The following ROBO1 variants were observed in gnomAD, a reference collection of about 807,000 sequenced individuals.
The protein encoded by ROBO1 is roundabout homolog 1.
Under a neutral mutation model 195.9 loss-of-function variants are expected in ROBO1, and 149 were observed. That is an observed-to-expected ratio of 0.76 (90% CI 0.67 to 0.87). The LOEUF (loss-of-function observed/expected upper bound fraction) is 0.87, where lower values mean the gene tolerates loss of function less well. Among genes scored for constraint, ROBO1 ranks in the 40% least tolerant of loss-of-function variants. ROBO1 has a pLI of 0.00. For synonymous variants in ROBO1, 816 were observed against 733.2 expected, an observed-to-expected ratio of 1.11 and a Z score of -1.82; for missense variants, 1,933 against 2,068.3, an observed-to-expected ratio of 0.93 and a Z score of 1.27.
At chr3:78,761,139 T>G (rs2083092397) in intron 4 of ROBO1, among the ~76,000 whole-genome samples, 1 of 152,144 alleles carries the variant, frequency 6.6e-6, no homozygotes, top group Admixed American at 6.5e-5. Flanking sequence ...TCTGGAGATG[T>G]TAAGACCTAT....
chr3:78,648,962 A>C (rs573165994), intron 19 of ROBO1, among the ~76,000 whole-genome samples: 1 of 152,134 alleles, frequency 6.6e-6, no homozygotes, highest in South Asian at 2.1e-4. Context: ...AGAAAAGCAA[A>C]AACCTCAGTG....
intron 4 of ROBO1, among the ~76,000 whole-genome samples, chr3:78,831,248 C>A (rs1268161904): frequency 1.3e-5 from 2 of 151,974 alleles, no homozygotes; most frequent in Non-Finnish European, 2.9e-5. Flanking sequence ...CAGTGTTTCC[C>A]AGACAAATGG....
At chr3:79,144,594 G>C (rs1036675381) in intron 2 of ROBO1, among the ~76,000 whole-genome samples, 1 of 151,934 alleles carries the variant, frequency 6.6e-6, no homozygotes, top group African/African-American at 2.4e-5. Flanking sequence ...GAGATGAAGA[G>C]GAATGAAGAA....
intron 5 of ROBO1, among the ~76,000 whole-genome samples, chr3:78,724,557 G>A (rs1326806238): frequency 2.7e-5 from 4 of 150,208 alleles, no homozygotes; most frequent in African/African-American, 9.9e-5. Flanking sequence ...TGGCACATGC[G>A]TGTAGTCCCA....
Position 78,662,201 on chromosome 3 carries a change from A to AGCAACTCT in ROBO1, c.1967-95_1967-88dup, listed in dbSNP as rs2107673023. 3 of 1,207,006 alleles carry AGCAACTCT rather than the reference A, an allele frequency of 2.5e-6. No homozygotes were observed. In the South Asian group the frequency reaches 4.9e-5, roughly 20 times the overall value. The allele number at this position is 1,207,006 out of a possible 1,614,324, so 74.8% of individuals were successfully genotyped here. On this transcript the variant is annotated intron_variant, in intron 14 of 30. Coordinates refer to ENST00000464233, the MANE Select transcript of ROBO1 (RefSeq NM_002941.4). ...ATGGTGAAACAAACTGTTCATTCAT[A>AGCAACTCT]GCAACTCTCAGTAAAGAAGAGTCCA...
rs184379614 is a variant in ROBO1, at chr3:79,163,677, G to C, written c.89-38138C>G. Among the ~76,000 whole-genome samples, 661 of 152,072 alleles carry C rather than the reference G, an allele frequency of 4.3e-3. 9 individuals carry two copies. The highest frequency in any genetic ancestry group is 0.015 in the African/African-American group (626 of 41,486). On this transcript the variant is annotated intron_variant, in intron 2 of 30. Transcript: ENST00000464233. ...AGGGTTCCAATTTCTCTGCATCCTT[G>C]CCAACACTTGTTTTCAGGTTTTGTT...
intron 10 of ROBO1, among the ~76,000 whole-genome samples, chr3:78,681,361 G>A (rs765745356): frequency 2.4e-4 from 36 of 152,040 alleles, no homozygotes; most frequent in Non-Finnish European, 4.9e-4. Context: ...TGGAGCATTT[G>A]CCACATGAGG....
At chr3:79,019,537 GC>G in intron 3 of ROBO1, 1 of 985,968 alleles carries the variant, frequency 1.0e-6, no homozygotes, top group Non-Finnish European at 1.2e-6. Context: ...ACTTAAAGGG[GC>G]CGCGTGGTCC....
intron 2 of ROBO1, among the ~76,000 whole-genome samples, chr3:79,315,999 A>T (rs1304127961): frequency 6.6e-6 from 1 of 152,194 alleles, no homozygotes; most frequent in Non-Finnish European, 1.5e-5. Context: ...CTTGAAATCC[A>T]CTATAATAAC....
chr3:79,008,386 AGTAG>A (rs1342618846), intron 3 of ROBO1, among the ~76,000 whole-genome samples: 1 of 152,118 alleles, frequency 6.6e-6, no homozygotes, highest in African/African-American at 2.4e-5. Context: ...CACAATTGAT[AGTAG>A]TTTACTGGGG....
At chr3:79,554,331 C>G (rs1286294000) in intron 2 of ROBO1, among the ~76,000 whole-genome samples, 2 of 151,886 alleles carry the variant, frequency 1.3e-5, no homozygotes, top group Admixed American at 6.6e-5. Context: ...GTAATTCTTT[C>G]TAAATAATAT....
At chr3:78,912,832 A>T (rs1437095882) in intron 4 of ROBO1, among the ~76,000 whole-genome samples, 2 of 152,132 alleles carry the variant, frequency 1.3e-5, no homozygotes, top group Non-Finnish European at 2.9e-5. Context: ...TCAGATGTTT[A>T]ACAAAAAGAA....
intron 3 of ROBO1, among the ~76,000 whole-genome samples, chr3:79,053,725 C>A (rs992522134): frequency 9.9e-5 from 15 of 151,912 alleles, no homozygotes; most frequent in Non-Finnish European, 1.5e-4. Context: ...CCTCAGTTTG[C>A]CTTATCTACA....
chr3:79,720,975 G>A (rs1363923733), intron 1 of ROBO1, among the ~76,000 whole-genome samples: 1 of 151,984 alleles, frequency 6.6e-6, no homozygotes, highest in African/African-American at 2.4e-5. Context: ...TGTATTTTTA[G>A]TAAAGACAGG....
chr3:79,700,047 C>T (rs775491994), intron 1 of ROBO1, among the ~76,000 whole-genome samples: 1 of 151,486 alleles, frequency 6.6e-6, no homozygotes, highest in Admixed American at 6.6e-5. Flanking sequence ...CCCTAAGTAC[C>T]CAGTGTTTAG....
chr3:79,617,231 T>C (rs1944853618), intron 1 of ROBO1, among the ~76,000 whole-genome samples: 1 of 152,024 alleles, frequency 6.6e-6, no homozygotes, highest in African/African-American at 2.4e-5. Flanking sequence ...CTTCAGGGTG[T>C]TTGAGAGTGA....
intron 4 of ROBO1, among the ~76,000 whole-genome samples, chr3:78,911,716 T>A (rs539870929): frequency 2.8e-4 from 43 of 152,110 alleles, no homozygotes; most frequent in Admixed American, 2.0e-3. Context: ...CTTGTCAAAT[T>A]TTTTCCAGTT....
At chr3:78,788,765 T>C (rs915063320) in intron 4 of ROBO1, among the ~76,000 whole-genome samples, 1 of 152,164 alleles carries the variant, frequency 6.6e-6, no homozygotes, top group East Asian at 1.9e-4. Context: ...TTTATTCAAA[T>C]TGGCAAAACT....
chr3:79,629,805 G>T (rs1304679511), intron 1 of ROBO1, among the ~76,000 whole-genome samples: 1 of 151,976 alleles, frequency 6.6e-6, no homozygotes, highest in Non-Finnish European at 1.5e-5. Context: ...AATGATAAAA[G>T]TGATATTAAG....
Sources: gnomAD v4.1 joint callset for allele counts (sites outside exome capture counted in the v4.1 genomes callset) on GRCh38, gnomAD v4.1.1 for gene constraint, MANE v1.5 for transcripts, NCBI Gene and HGNC (gene_info 2026-07-23, HGNC 2026-07-21) for gene names.